Variants in BAHD1 observed in about 807,000 individuals in gnomAD.
BAHD1 encodes bromo adjacent homology domain containing 1.
Under a neutral mutation model 63.1 loss-of-function variants are expected in BAHD1, and 20 were observed. The observed-to-expected ratio is 0.32, with a 90% CI of 0.22 to 0.46. The LOEUF is 0.46. BAHD1 is among the 20% of genes least tolerant of loss of function. The pLI, the probability that BAHD1 is intolerant of heterozygous loss-of-function variation, is 1.00. For synonymous variants in BAHD1, 408 were observed against 426.8 expected (o/e 0.96, Z 0.54); for missense variants, 939 against 1,071.8 (o/e 0.88, Z 1.73).
At chr15:40,451,035 T>TAC (rs1398405369) in intron 1 of BAHD1, among the ~76,000 whole-genome samples, 2 of 148,572 alleles carry the variant, frequency 1.3e-5, no homozygotes, top group East Asian at 4.0e-4. Context: ...CTACTCGGGA[T>TAC]ACTCCTGCTG....
chr15:40,444,765 C>T (rs1893490072), intron 1 of BAHD1, among the ~76,000 whole-genome samples: 1 of 152,142 alleles, frequency 6.6e-6, no homozygotes, highest in African/African-American at 2.4e-5. Flanking sequence ...AACCCTGGAC[C>T]ATGGGGGAAA....
In BAHD1 at chr15:40,458,803, G is replaced by T; in HGVS notation, c.339G>T (p.Gln113His). Residue 113 changes from glutamine (Q) to histidine (H), a missense_variant, in exon 2 of 7, where the codon CAG (glutamine) becomes CAT (histidine). Coordinates refer to ENST00000416165, the MANE Select transcript of BAHD1 (RefSeq NM_014952.5). This position sits in a 1 kb window ranked among gnomAD's most constrained non-coding sequence, Gnocchi z 4.7. ...CCAGTGAAGACCCTGGCCTTGCCCA[G>T]CCCCGCAAGCGGCGCCTGGCCTCCC... ...APSSEDPGLA[Q>H]PRKRRLASLN... 6.2e-7 allele frequency: 1 copy of T among 1,612,886 alleles called. No homozygotes were observed. The highest frequency in any genetic ancestry group is 8.5e-7 in the Non-Finnish European group (1 of 1,179,950).
chr15:40,462,235 C>T lies in BAHD1; in HGVS notation c.1756C>T (p.Arg586Cys), dbSNP rs759220202. Reference sequence around the variant, plus strand: ...CCCACGCCCTCGCCGCCGCCGTCGCCGCCGCACTAATGGCTGGGTACCTGT... The same window carrying T: ...CCCACGCCCTCGCCGCCGCCGTCGCTGCCGCACTAATGGCTGGGTACCTGT... ...QRPRPRRRRR[R>C]RTNGWVPVGA... The change falls in exon 3 of 7, where the codon CGC (arginine) becomes TGC (cysteine). Residue 586 changes from arginine (R) to cysteine (C), a missense_variant. Around this residue, in one of 5 missense-constraint regions of BAHD1, gnomAD observed 797 missense variants for 813.3 expected, o/e 0.98. Transcript: ENST00000416165. 1.8e-5 allele frequency: 29 copies of T among 1,611,304 alleles called. No homozygotes were observed. Among genetic ancestry groups the T allele is most frequent in the Non-Finnish European group, 2.3e-5 (27 of 1,178,888 alleles).
chr15:40,441,103 C>A lies in BAHD1; in HGVS notation c.-180C>A. On this transcript the variant is annotated 5_prime_UTR_variant, in exon 1 of 7. Transcript: ENST00000416165. ...GCCCCCCCCGACGGCCCCGCCCGGC[C>A]GCGGTCCCCGCTCCGCCCGCCCGGC... is the stretch of plus-strand genomic sequence containing the variant. 1 of 147,342 alleles carries A rather than the reference C, an allele frequency of 6.8e-6. No individual in the cohort carries two copies. Among genetic ancestry groups the A allele is most frequent in the South Asian group, 1.9e-4 (1 of 5,260 alleles). The allele number at this position is 147,342 out of a possible 1,614,324, so 9.1% of individuals were successfully genotyped here.
rs1358645892 is a variant in BAHD1, at chr15:40,464,378, G to A, written c.1976-93G>A. ...TGCCGGAGCCTGCAGGATTGAGGTT[G>A]GATGAACCTCCAGGGCAGCCAGCCA... On this transcript the variant is annotated intron_variant, in intron 4 of 6. Coordinates refer to ENST00000416165, the MANE Select transcript of BAHD1 (RefSeq NM_014952.5). 5.4e-6 allele frequency: 6 copies of A among 1,105,584 alleles called. No individual in the cohort carries two copies. The Admixed American group carries it at 1.2e-4, about 22-fold the overall frequency. The allele number at this position is 1,105,584 out of a possible 1,614,324, so 68.5% of individuals were successfully genotyped here. A position where few individuals can be genotyped will look rare whatever the true frequency, so the allele number is the denominator to read the frequency against.
intron 1 of BAHD1, among the ~76,000 whole-genome samples, chr15:40,456,424 C>T (rs757121455): frequency 1.4e-4 from 22 of 152,252 alleles, no homozygotes; most frequent in Admixed American, 8.5e-4. Context: ...CCTTCTGTGA[C>T]TCTGTCTTGC....
intron 1 of BAHD1, among the ~76,000 whole-genome samples, chr15:40,449,068 G>A (rs544733684): frequency 2.0e-4 from 31 of 151,882 alleles, no homozygotes; most frequent in African/African-American, 6.8e-4. Flanking sequence ...CACCCACCTC[G>A]GCCTCCCAAA....
At chr15:40,440,157 C>T (rs545079378), upstream of BAHD1, among the ~76,000 whole-genome samples, 1 of 152,134 alleles carries the variant, frequency 6.6e-6, no homozygotes, top group African/African-American at 2.4e-5. Flanking sequence ...TGGATGAGGG[C>T]TCCACACTCT....
At position 40,443,442 on chromosome 15, in the gene BAHD1, C is replaced by T. The variant is rs117037870; in HGVS notation, c.-15+2174C>T. Reference sequence around the variant, plus strand: ...CCTTTGTGCCTTCTGTGAGGCTACACGGCATGTGATTTCTTTTGGTGGCAG... The same window carrying T: ...CCTTTGTGCCTTCTGTGAGGCTACATGGCATGTGATTTCTTTTGGTGGCAG... On this transcript the variant is annotated intron_variant, in intron 1 of 6. Coordinates refer to ENST00000416165, the MANE Select transcript of BAHD1 (RefSeq NM_014952.5). 2.9e-4 allele frequency: 131 copies of T among 452,158 alleles called. 1 individual carries two copies. The East Asian group carries it at 0.012, about 41-fold the overall frequency. The allele number at this position is 452,158 out of a possible 1,614,324, so 28.0% of individuals were successfully genotyped here.
chr15:40,463,258 T>C (rs1894104793), intron 3 of BAHD1, among the ~76,000 whole-genome samples: 1 of 152,220 alleles, frequency 6.6e-6, no homozygotes, highest in African/African-American at 2.4e-5. Flanking sequence ...TGAACTATGG[T>C]TGCACCACTG....
At chr15:40,465,104 A>G (rs1026443084) in intron 5 of BAHD1, 3 of 552,226 alleles carry the variant, frequency 5.4e-6, no homozygotes, top group South Asian at 2.1e-5. Flanking sequence ...GTCAGTGACA[A>G]TCAGGGGCTA....
rs772089802 is a variant in BAHD1, at chr15:40,459,607, G to A, written c.1143G>A (p.Leu381=). 3.1e-6 allele frequency: 5 copies of A among 1,614,182 alleles called. No homozygotes were observed. In the South Asian group the frequency reaches 5.5e-5, roughly 18 times the overall value. The change falls in exon 2 of 7, where the codon CTG becomes CTA. Residue 381 remains leucine, a synonymous_variant. Coordinates refer to ENST00000416165, the MANE Select transcript of BAHD1 (RefSeq NM_014952.5). ...PELTALGSFY[L]YCGQEGLQCG... ...TCACTGCACTAGGCAGCTTCTACCTGTACTGTGGCCAAGAGGGGCTGCAGT... is the reference window on the plus strand; with the variant it reads ...TCACTGCACTAGGCAGCTTCTACCTATACTGTGGCCAAGAGGGGCTGCAGT...
At chr15:40,440,573 C>T (rs951484404), upstream of BAHD1, among the ~76,000 whole-genome samples, 1 of 138,156 alleles carries the variant, frequency 7.2e-6, no homozygotes, top group Admixed American at 7.3e-5. Flanking sequence ...TAAGATTTTT[C>T]CGGGGGGGCT....
chr15:40,450,957 G>T (rs556096733), intron 1 of BAHD1, among the ~76,000 whole-genome samples: 12 of 152,048 alleles, frequency 7.9e-5, no homozygotes, highest in Admixed American at 4.6e-4. Context: ...GGCCAACATG[G>T]TGAAAACCCG....
At chr15:40,445,667 C>G (rs1228785207) in intron 1 of BAHD1, among the ~76,000 whole-genome samples, 5 of 152,136 alleles carry the variant, frequency 3.3e-5, no homozygotes, top group Non-Finnish European at 7.3e-5. Flanking sequence ...ACGAACAGCC[C>G]CGACATTAAA....
In BAHD1 at chr15:40,462,228, CCGT is replaced by C; in HGVS notation, c.1752_1754del (p.Arg587del). 1 of 1,611,250 alleles carries C rather than the reference CCGT, an allele frequency of 6.2e-7. No homozygotes were observed. The highest frequency in any genetic ancestry group is 1.3e-5 in the African/African-American group (1 of 74,968). On this transcript the variant is annotated inframe_deletion, in exon 3 of 7. Coordinates refer to ENST00000416165, the MANE Select transcript of BAHD1 (RefSeq NM_014952.5). The stretch of plus-strand genomic sequence containing the variant: ...TCCAGCGCCCACGCCCTCGCCGCCG[CCGT>C]CGCCGCCGCACTAATGGCTGGGTAC...
Position 40,458,752 on chromosome 15 carries a change from G to T in BAHD1, c.288G>T (p.Leu96=), listed in dbSNP as rs531314286. The T allele has an allele frequency of 6.2e-7, 1 of 1,613,264 alleles. No individual in the cohort carries two copies. Among genetic ancestry groups the T allele is most frequent in the African/African-American group, 1.3e-5 (1 of 75,052 alleles). Residue 96 remains leucine, a synonymous_variant, in exon 2 of 7, where the codon CTG becomes CTT. Transcript: ENST00000416165. This position sits in a 1 kb window ranked among gnomAD's most constrained non-coding sequence, Gnocchi z 4.7. The stretch of plus-strand genomic sequence containing the variant: ...AGGCTGATGAGCTACCGCCTGACCT[G>T]CCCAAGCCCCCCAGCCCGGCCCCAT... ...ADEADELPPD[L]PKPPSPAPSS...
intron 1 of BAHD1, among the ~76,000 whole-genome samples, chr15:40,457,564 C>T (rs899611219): frequency 1.3e-5 from 2 of 152,226 alleles, no homozygotes; most frequent in African/African-American, 4.8e-5. Flanking sequence ...GGGAGGAGTC[C>T]TCAGAGACTG....
intron 2 of BAHD1, among the ~76,000 whole-genome samples, chr15:40,460,799 G>A (rs1286352532): frequency 2.0e-5 from 3 of 152,172 alleles, no homozygotes; most frequent in East Asian, 3.9e-4. Flanking sequence ...TCTTGTAGGG[G>A]TCTATAAAAC....
Sources: allele counts gnomAD v4.1 joint callset (sites outside exome capture counted in the v4.1 genomes callset), GRCh38; gene constraint gnomAD v4.1.1; regional missense constraint gnomAD v4.1.1; non-coding constraint Gnocchi (gnomAD v3.1); transcripts MANE v1.5; gene names NCBI Gene and HGNC (gene_info 2026-07-23, HGNC 2026-07-21).